Variants in KLHL13 observed in about 807,000 individuals in gnomAD.
The protein encoded by KLHL13 is kelch-like protein 13.
Under a neutral mutation model 37.1 loss-of-function variants are expected in KLHL13, and 10 were observed. The ratio of observed to expected loss-of-function variants is 0.27; its 90% confidence interval spans 0.17 to 0.46. KLHL13 has a LOEUF of 0.46. Ranked by LOEUF, KLHL13 falls within the 20% of genes least tolerant of loss-of-function variation. The probability of loss-of-function intolerance (pLI) is 1.00; values close to 1 mark genes in which losing one functional copy is unlikely to be tolerated. For synonymous variants in KLHL13, 163 were observed against 181.2 expected (o/e 0.90, Z 0.81); for missense variants, 360 against 509.3 (o/e 0.71, Z 2.82).
At chrX:118,113,692 T>G (rs771182782) in intron 1 of KLHL13, among the ~76,000 whole-genome samples, 2 of 112,277 alleles carry the variant, frequency 1.8e-5, no homozygotes, top group African/African-American at 3.2e-5. Context: ...CACACTAAAG[T>G]AGGCCCTTCC....
At chrX:118,053,643 T>TA (rs1191217586) in intron 1 of KLHL13, among the ~76,000 whole-genome samples, 4 of 105,976 alleles carry the variant, frequency 3.8e-5, no homozygotes, top group Non-Finnish European at 5.7e-5. Context: ...AGTATAATAA[T>TA]AAAAAAAAGA....
intron 1 of KLHL13, among the ~76,000 whole-genome samples, chrX:118,009,299 G>C (rs989790555): frequency 1.3e-5 from 1 of 77,416 alleles, no homozygotes; most frequent in African/African-American, 4.9e-5. Flanking sequence ...CATTGCTTTT[G>C]GTGTTTTGGA....
Position 118,051,819 on chromosome X carries a change from G to T in KLHL13, c.-56+64689C>A, listed in dbSNP as rs757590442. ...TTGTACGTTGAATCTGTAGTTCATT[G>T]GGAGAACTGAACACATAAAAATTGT... On this transcript the variant is annotated intron_variant, in intron 1 of 6. Coordinates refer to the KLHL13 transcript ENST00000371882. Among the ~76,000 whole-genome samples the T allele has an allele frequency of 4.5e-5, 5 of 111,268 alleles. No individual in the cohort carries two copies. In the South Asian group the frequency reaches 1.9e-3, roughly 43 times the overall value.
At chrX:118,101,765 C>T (rs1273593911) in intron 1 of KLHL13, among the ~76,000 whole-genome samples, 1 of 110,879 alleles carries the variant, frequency 9.0e-6, no homozygotes, top group Non-Finnish European at 1.9e-5. Context: ...ATGCTGTTCT[C>T]GTGATAGTTC....
chrX:117,917,723 C>T (rs1311193788), intron 4 of KLHL13, among the ~76,000 whole-genome samples: 1 of 111,701 alleles, frequency 9.0e-6, no homozygotes, highest in Non-Finnish European at 1.9e-5. Context: ...ACAATCAATA[C>T]CTGAAGTTCT....
intron 1 of KLHL13, among the ~76,000 whole-genome samples, chrX:118,090,080 CAAAAA>C (rs55679488): frequency 4.1e-4 from 22 of 53,649 alleles, no homozygotes; most frequent in African/African-American, 1.4e-3. Flanking sequence ...GACTCTGTCT[CAAAAA>C]AAAAAAAAAA....
chrX:117,898,805 C>A, exon 7 of KLHL13: 1 of 881,522 alleles, frequency 1.1e-6, no homozygotes, highest in South Asian at 2.8e-5. Flanking sequence ...TATCAATTAC[C>A]AGAGGGTAAT....
At chrX:117,997,155 G>A (rs1326078583) in intron 1 of KLHL13, among the ~76,000 whole-genome samples, 4 of 107,549 alleles carry the variant, frequency 3.7e-5, no homozygotes, top group South Asian at 3.8e-4. Context: ...CATTCAAAGC[G>A]TAACCACCTC....
chrX:118,111,649 T>C (rs1413299336), intron 1 of KLHL13, among the ~76,000 whole-genome samples: 1 of 112,107 alleles, frequency 8.9e-6, no homozygotes, highest in African/African-American at 3.2e-5. Flanking sequence ...TCCCAACACT[T>C]TGGGAGGCCG....
chrX:117,965,053 T>C (rs1410080881), intron 1 of KLHL13, among the ~76,000 whole-genome samples: 2 of 112,110 alleles, frequency 1.8e-5, no homozygotes, highest in African/African-American at 6.5e-5. Flanking sequence ...AACATACATG[T>C]GCATGTGTCT....
At chrX:117,925,275 A>G (rs1311792646) in intron 2 of KLHL13, among the ~76,000 whole-genome samples, 2 of 112,221 alleles carry the variant, frequency 1.8e-5, no homozygotes, top group African/African-American at 6.5e-5. Flanking sequence ...ATTCAACTAA[A>G]TTCTACATTA....
chrX:117,938,762 T>C (rs1311054549), intron 2 of KLHL13, among the ~76,000 whole-genome samples: 1 of 110,648 alleles, frequency 9.0e-6, no homozygotes, highest in Non-Finnish European at 1.9e-5. Flanking sequence ...CCAAAAACAC[T>C]TCTTCCTCAC....
intron 1 of KLHL13, among the ~76,000 whole-genome samples, chrX:118,033,289 G>A (rs372714795): frequency 1.8e-5 from 2 of 110,988 alleles, no homozygotes; most frequent in South Asian, 7.8e-4. Context: ...ACACATAATT[G>A]TCACATTCAC....
intron 1 of KLHL13, among the ~76,000 whole-genome samples, chrX:118,038,458 T>C (rs1202424241): frequency 9.0e-6 from 1 of 111,467 alleles, no homozygotes; most frequent in Non-Finnish European, 1.9e-5. Flanking sequence ...CCCCTGGCAG[T>C]GGCCACATTG....
At chrX:117,907,806 A>T (rs891905542) in intron 5 of KLHL13, among the ~76,000 whole-genome samples, 1 of 111,389 alleles carries the variant, frequency 9.0e-6, no homozygotes, top group African/African-American at 3.2e-5. Flanking sequence ...AAGAAAAAAA[A>T]ACTTTGGGTA....
chrX:118,040,346 C>CTCT (rs770557053), intron 1 of KLHL13, among the ~76,000 whole-genome samples: 151 of 111,006 alleles, frequency 1.4e-3, no homozygotes, highest in African/African-American at 4.6e-3. Context: ...TTTGATGAAC[C>CTCT]TCAATGAAAT....
At position 118,059,778 on chromosome X, in the gene KLHL13, A is replaced by G. The variant is rs143322783; in HGVS notation, c.-56+56730T>C. On this transcript the variant is annotated intron_variant, in intron 1 of 6. Transcript: ENST00000371882. ...CCTCTCTGGGCTACACTGACCTACA[A>G]TATACCAGATGATGACCCTTCCATT... 1.5e-3 allele frequency among the ~76,000 whole-genome samples: 166 copies of G among 111,102 alleles called. 2 individuals carry two copies. The highest frequency in any genetic ancestry group is 5.2e-3 in the African/African-American group (160 of 30,522).
exon 1 of KLHL13, chrX:117,972,849 A>G (rs369816688): frequency 5.6e-5 from 67 of 1,206,590 alleles, no homozygotes; most frequent in Non-Finnish European, 6.6e-5. Flanking sequence ...CGGTACTACA[A>G]TAACAGTAAA....
intron 4 of KLHL13, among the ~76,000 whole-genome samples, chrX:117,913,452 C>A (rs191868353): frequency 8.0e-5 from 9 of 112,474 alleles, no homozygotes; most frequent in Admixed American, 3.8e-4. Flanking sequence ...CTGAGTTCAT[C>A]TTTTATTTCA....
Sources: gnomAD v4.1 joint callset for allele counts (sites outside exome capture counted in the v4.1 genomes callset) on GRCh38, gnomAD v4.1.1 for gene constraint, MANE v1.5 for transcripts, NCBI Gene and HGNC (gene_info 2026-07-23, HGNC 2026-07-21) for gene names.